Variants in ADCY9 observed in about 807,000 individuals in gnomAD.
ADCY9 encodes the protein adenylate cyclase type 9.
In ADCY9, 50 loss-of-function variants were observed where a neutral mutation model predicts 101.5. That is an observed-to-expected ratio of 0.49 (90% confidence interval 0.39 to 0.62). The LOEUF (loss-of-function observed/expected upper bound fraction) is 0.62. Ranked by LOEUF, ADCY9 falls within the 20% of genes least tolerant of loss-of-function variation. ADCY9 has a pLI of 0.00. For synonymous variants in ADCY9, 905 were observed against 769.3 expected (o/e 1.18, Z -2.92); for missense variants, 1,662 against 1,800.4 (o/e 0.92, Z 1.39).
chr16:3,979,501 C>T (rs980140146), intron 7 of ADCY9, among the ~76,000 whole-genome samples: 9 of 152,202 alleles, frequency 5.9e-5, no homozygotes, highest in African/African-American at 1.2e-4. Context: ...TCACATGTTG[C>T]GTTGTGATAA....
chr16:4,009,103 C>T (rs1173855760), intron 2 of ADCY9, among the ~76,000 whole-genome samples: 3 of 152,136 alleles, frequency 2.0e-5, no homozygotes, highest in Non-Finnish European at 4.4e-5. Context: ...AAAAATACTA[C>T]GTGGCTAATC....
intron 2 of ADCY9, among the ~76,000 whole-genome samples, chr16:4,113,456 C>T (rs1487823125): frequency 1.3e-5 from 2 of 152,198 alleles, no homozygotes; most frequent in African/African-American, 4.8e-5. Context: ...CTTACATTCA[C>T]CGGACGTGCC....
chr16:4,088,837 T>C (rs1240331628), intron 2 of ADCY9, among the ~76,000 whole-genome samples: 1 of 152,084 alleles, frequency 6.6e-6, no homozygotes, highest in Non-Finnish European at 1.5e-5. Flanking sequence ...ATTCATATAC[T>C]GTGTAATTCT....
chr16:4,084,694 C>T (rs574993905), intron 2 of ADCY9, among the ~76,000 whole-genome samples: 2 of 152,070 alleles, frequency 1.3e-5, no homozygotes, highest in East Asian at 1.9e-4. Context: ...CCACTGCACT[C>T]CAGCCTGGAT....
chr16:4,060,932 G>A (rs1449976160), intron 2 of ADCY9, among the ~76,000 whole-genome samples: 1 of 152,146 alleles, frequency 6.6e-6, no homozygotes, highest in African/African-American at 2.4e-5. Flanking sequence ...AGAAACTACT[G>A]TAAGAATGGA....
At chr16:3,954,195 CG>C (rs1567407748) in intron 5 of ADCY9, among the ~76,000 whole-genome samples, 1 of 152,198 alleles carries the variant, frequency 6.6e-6, no homozygotes, top group African/African-American at 2.4e-5. Flanking sequence ...AGCTGCAGGA[CG>C]GGCGTCGCTG....
At chr16:3,967,006 C>T (rs2056005202) in intron 10 of ADCY9, 40 bp from the exon 11 acceptor site, 11 of 1,548,694 alleles carry the variant, frequency 7.1e-6, no homozygotes, top group Admixed American at 1.8e-5. Flanking sequence ...GGTTACTGCT[C>T]GGCGCTTCCA....
rs373279178 is a variant in ADCY9, at chr16:4,044,240, C to T, written c.1694-36682G>A. Among the ~76,000 whole-genome samples, 6 of 151,616 alleles carry T rather than the reference C, an allele frequency of 4.0e-5. No individual in the cohort carries two copies. In the East Asian group the frequency reaches 7.8e-4, roughly 20 times the overall value. On this transcript the variant is annotated intron_variant, in intron 2 of 10. Coordinates refer to ENST00000294016, the MANE Select transcript of ADCY9 (RefSeq NM_001116.4). Reference sequence around the variant, plus strand: ...TGTGTGCCTGTAATCCCAGCTACTCCGGAGGCTGAAGCAGGAGAATCGCTT... The same window carrying T: ...TGTGTGCCTGTAATCCCAGCTACTCTGGAGGCTGAAGCAGGAGAATCGCTT...
chr16:4,082,368 C>A (rs1241222988), intron 2 of ADCY9, among the ~76,000 whole-genome samples: 3 of 152,126 alleles, frequency 2.0e-5, no homozygotes, highest in Non-Finnish European at 4.4e-5. Flanking sequence ...CAGAACAGGA[C>A]CCTGTCTCAA....
chr16:4,111,691 T>TA (rs747916993), intron 2 of ADCY9, among the ~76,000 whole-genome samples: 1 of 152,072 alleles, frequency 6.6e-6, no homozygotes, highest in Non-Finnish European at 1.5e-5. Flanking sequence ...ATATCACTTT[T>TA]AAAAAATCAG....
chr16:4,113,938 A>T lies in ADCY9; in HGVS notation c.1505T>A (p.Met502Lys), dbSNP rs1346467918. The change falls in exon 2 of 11, where the codon ATG becomes AAG. Residue 502 changes from methionine (M) to lysine (K), a missense_variant. This residue lies in a region of ADCY9 where 228 missense variants were observed against 301.1 expected (regional missense o/e 0.76). Coordinates refer to ENST00000294016, the MANE Select transcript of ADCY9 (RefSeq NM_001116.4). ...CCACACGTCAAATTTAAACCTCCTC[A>T]TGCCCAGGATGCCGCAAAGGACGGT... Reference protein sequence around the residue: ...TGTVLCGILGMRRFKFDVWSN... With the variant: ...TGTVLCGILGKRRFKFDVWSN... 3.1e-6 allele frequency: 5 copies of T among 1,613,992 alleles called. No homozygotes were observed. The Admixed American group carries it at 8.3e-5, about 27-fold the overall frequency.
intron 2 of ADCY9, among the ~76,000 whole-genome samples, chr16:4,108,641 G>C (rs948037075): frequency 6.7e-6 from 1 of 149,028 alleles, no homozygotes; most frequent in Non-Finnish European, 1.5e-5. Context: ...CAAAGTGCTG[G>C]GATTACAGGC....
chr16:4,035,429 G>C (rs988736051), intron 2 of ADCY9, among the ~76,000 whole-genome samples: 17 of 152,260 alleles, frequency 1.1e-4, no homozygotes, highest in African/African-American at 4.1e-4. Context: ...ATGGATTAAA[G>C]TTAATATAAG....
chr16:4,072,856 A>G (rs2056843035), intron 2 of ADCY9, among the ~76,000 whole-genome samples: 1 of 152,078 alleles, frequency 6.6e-6, no homozygotes, highest in Non-Finnish European at 1.5e-5. Context: ...TATTACATTC[A>G]GAGGAACAAA....
Position 3,963,142 on chromosome 16 carries a change from ATG to A in ADCY9, c.*2631_*2632del, listed in dbSNP as rs1491420713. 5.2e-5 allele frequency: 8 copies of A among 152,894 alleles called. No homozygotes were observed. The highest frequency in any genetic ancestry group is 1.8e-4 in the African/African-American group (6 of 34,054). 9.5% of individuals were successfully genotyped at this position (152,894 alleles called of 1,614,324 possible). Reference sequence around the variant, plus strand: ...TATATATATATATATATATATATATATGGATATATAATTCGATCTGAGCTGGG... The same window carrying A: ...TATATATATATATATATATATATATAGATATATAATTCGATCTGAGCTGGG... On this transcript the variant is annotated 3_prime_UTR_variant, in exon 11 of 11. Coordinates refer to ENST00000294016, the MANE Select transcript of ADCY9 (RefSeq NM_001116.4).
intron 2 of ADCY9, among the ~76,000 whole-genome samples, chr16:4,012,092 T>G (rs1314499135): frequency 6.6e-6 from 1 of 152,078 alleles, no homozygotes; most frequent in Non-Finnish European, 1.5e-5. Flanking sequence ...CTGACTTGAG[T>G]TTTTCTTTAG....
intron 2 of ADCY9, among the ~76,000 whole-genome samples, chr16:4,017,659 A>T (rs868200917): frequency 1.4e-4 from 21 of 152,034 alleles, no homozygotes; most frequent in Middle Eastern, 3.4e-3. Flanking sequence ...AAAAAAAAAA[A>T]AGATAATGTG....
chr16:3,954,613 G>A (rs866530832), intron 5 of ADCY9, among the ~76,000 whole-genome samples: 5 of 152,208 alleles, frequency 3.3e-5, no homozygotes, highest in African/African-American at 7.2e-5. Context: ...AACGGAACAC[G>A]AGGTTCACCA....
chr16:4,094,660 G>C (rs914419005), intron 2 of ADCY9, among the ~76,000 whole-genome samples: 1 of 151,668 alleles, frequency 6.6e-6, no homozygotes, highest in Admixed American at 6.6e-5. Flanking sequence ...AGAAAGAAAA[G>C]GAAAAATGCA....
Sources: allele counts gnomAD v4.1 joint callset (sites outside exome capture counted in the v4.1 genomes callset), GRCh38; gene constraint gnomAD v4.1.1; regional missense constraint gnomAD v4.1.1; transcripts MANE v1.5; gene names NCBI Gene and HGNC (gene_info 2026-07-23, HGNC 2026-07-21).